The following CELF2 variants were observed in gnomAD, a reference collection of about 807,000 sequenced individuals.
CELF2 encodes the protein CUG triplet repeat RNA-binding protein 2.
In CELF2, 8 loss-of-function variants were observed where a neutral mutation model predicts 62.6. The ratio of observed to expected loss-of-function variants is 0.13; its 90% CI spans 0.07 to 0.23. The LOEUF is 0.23. Among genes scored for constraint, CELF2 ranks in the 10% least tolerant of loss-of-function variants. CELF2 has a pLI of 1.00. For missense variants in CELF2, 333 were observed against 671.0 expected (o/e 0.50, Z 5.56); for synonymous variants, 258 against 250.0 (o/e 1.03, Z -0.30).
At chr10:11,193,881 G>A (rs1345065390) in intron 2 of CELF2, among the ~76,000 whole-genome samples, 3 of 152,218 alleles carry the variant, frequency 2.0e-5, no homozygotes, top group Admixed American at 1.3e-4. Context: ...TATAACCTGG[G>A]AAAGAGGCTG....
chr10:11,132,671 C>T (rs2059791916), intron 1 of CELF2, among the ~76,000 whole-genome samples: 1 of 152,174 alleles, frequency 6.6e-6, no homozygotes, highest in Admixed American at 6.5e-5. Flanking sequence ...GCAGCAAAAT[C>T]ACTCCACCGG....
chr10:10,861,477 AT>A (rs1356524709), intron 1 of CELF2, among the ~76,000 whole-genome samples: 1 of 152,172 alleles, frequency 6.6e-6, no homozygotes, highest in Non-Finnish European at 1.5e-5. Context: ...AGACAAATTA[AT>A]TTAACAACAC....
chr10:11,058,524 T>C (rs1176701147), intron 1 of CELF2, among the ~76,000 whole-genome samples: 1 of 141,216 alleles, frequency 7.1e-6, no homozygotes, highest in Non-Finnish European at 1.5e-5. Flanking sequence ...TGGAGTGCGG[T>C]GGTGCGATCT....
At chr10:11,122,576 C>T (rs1324771742) in intron 1 of CELF2, among the ~76,000 whole-genome samples, 1 of 152,164 alleles carries the variant, frequency 6.6e-6, no homozygotes, top group Non-Finnish European at 1.5e-5. Flanking sequence ...CTTCATAGAG[C>T]GTATTCCAGA....
chr10:10,754,400 C>A, the CELF2 span, among the ~76,000 whole-genome samples: 12 of 152,066 alleles, frequency 7.9e-5, no homozygotes, highest in African/African-American at 2.9e-4. Context: ...AGTCCTCTCG[C>A]TTCAGCCTCC....
At chr10:10,520,017 A>G in the CELF2 span, among the ~76,000 whole-genome samples, 1 of 152,140 alleles carries the variant, frequency 6.6e-6, no homozygotes, top group African/African-American at 2.4e-5. Flanking sequence ...AATCTGCACT[A>G]TGGTTCCTGA....
intron 1 of CELF2, among the ~76,000 whole-genome samples, chr10:10,831,527 A>C (rs559278292): frequency 2.6e-5 from 4 of 152,322 alleles, no homozygotes; most frequent in Admixed American, 1.3e-4. Flanking sequence ...ACTTGTCCCT[A>C]GGGATATGAG....
At chr10:10,868,579 G>T (rs1360637093) in intron 1 of CELF2, among the ~76,000 whole-genome samples, 1 of 152,200 alleles carries the variant, frequency 6.6e-6, no homozygotes, top group Non-Finnish European at 1.5e-5. Flanking sequence ...GGAGCAGAAA[G>T]GTCACATGGC....
chr10:10,615,881 A>G, the CELF2 span, among the ~76,000 whole-genome samples: 1 of 152,178 alleles, frequency 6.6e-6, no homozygotes, highest in Non-Finnish European at 1.5e-5. Flanking sequence ...TAGCAGTGCA[A>G]GAATGAACTA....
intron 1 of CELF2, among the ~76,000 whole-genome samples, chr10:11,127,721 G>A (rs2058962052): frequency 6.6e-6 from 1 of 152,096 alleles, no homozygotes; most frequent in Admixed American, 6.5e-5. Context: ...CATATCCTTT[G>A]CCCACTTTTT....
chr10:11,312,920 C>T (rs937924451), intron 9 of CELF2, among the ~76,000 whole-genome samples: 8 of 152,100 alleles, frequency 5.3e-5, no homozygotes, highest in South Asian at 2.1e-4. Flanking sequence ...GGCGACAGAG[C>T]GAGCCTCTGT....
intron 2 of CELF2, among the ~76,000 whole-genome samples, chr10:10,950,317 C>T (rs980168091): frequency 6.6e-6 from 1 of 152,036 alleles, no homozygotes; most frequent in Admixed American, 6.5e-5. Context: ...AATGGCCACT[C>T]TCATGTGCTT....
the CELF2 span, among the ~76,000 whole-genome samples, chr10:10,603,301 A>G: frequency 6.6e-6 from 1 of 152,006 alleles, no homozygotes; most frequent in Non-Finnish European, 1.5e-5. Context: ...AGCTCCATGC[A>G]GCTTCAAAAT....
At chr10:10,561,402 CCTTCATTCAACAAATACATGTTAAGTA>C in the CELF2 span, among the ~76,000 whole-genome samples, 1 of 152,152 alleles carries the variant, frequency 6.6e-6, no homozygotes. Context: ...TTCTTCACTT[CCTTCATTCAACAAATACATGTTAAGTA>C]CTTCAGTTGC....
the CELF2 span, among the ~76,000 whole-genome samples, chr10:10,630,924 C>T: frequency 6.6e-6 from 1 of 152,158 alleles, no homozygotes; most frequent in Non-Finnish European, 1.5e-5. Context: ...CTGCGGAGTG[C>T]ACAATGTACA....
chr10:10,781,991 T>G, the CELF2 span, among the ~76,000 whole-genome samples: 5 of 152,358 alleles, frequency 3.3e-5, no homozygotes, highest in South Asian at 1.0e-3. Flanking sequence ...ACACAGCATT[T>G]ACATTTTATT....
At chr10:11,078,787 G>A (rs1033798590) in intron 1 of CELF2, among the ~76,000 whole-genome samples, 1 of 152,200 alleles carries the variant, frequency 6.6e-6, no homozygotes, top group Non-Finnish European at 1.5e-5. Flanking sequence ...ACCTGTGCAA[G>A]AAAAGACTCT....
chr10:11,190,122 C>T (rs968273138), intron 2 of CELF2, among the ~76,000 whole-genome samples: 2 of 152,178 alleles, frequency 1.3e-5, no homozygotes, highest in African/African-American at 4.8e-5. Context: ...CACTTTCTAC[C>T]TTGTGTTAAC....
chr10:10,473,462 C>CT, the CELF2 span, among the ~76,000 whole-genome samples: 2 of 151,966 alleles, frequency 1.3e-5, no homozygotes, highest in African/African-American at 2.4e-5. Flanking sequence ...ATTTGTGGTA[C>CT]TTTTTTCAAC....
Sources: gnomAD v4.1 joint callset for allele counts (sites outside exome capture counted in the v4.1 genomes callset) on GRCh38, gnomAD v4.1.1 for gene constraint, MANE v1.5 for transcripts, NCBI Gene and HGNC (gene_info 2026-07-23, HGNC 2026-07-21) for gene names.